The following DCLK2 variants were observed in gnomAD, a reference collection of about 807,000 sequenced individuals.
DCLK2 encodes serine/threonine-protein kinase DCLK2.
DCLK2 carries 31 observed loss-of-function variants against 78.4 expected under a neutral mutation model. The ratio of observed to expected loss-of-function variants is 0.40; its 90% CI spans 0.30 to 0.53. The LOEUF (loss-of-function observed/expected upper bound fraction) is 0.53. DCLK2 is among the 20% of genes least tolerant of loss of function. The probability of loss-of-function intolerance (pLI) is 0.61; values close to 1 mark genes in which losing one functional copy is unlikely to be tolerated. For synonymous variants in DCLK2, 407 were observed against 374.9 expected (o/e 1.09, Z -0.99); for missense variants, 872 against 973.7 (o/e 0.90, Z 1.39).
At chr4:150,188,618 A>G (rs936116621) in intron 2 of DCLK2, among the ~76,000 whole-genome samples, 1 of 152,010 alleles carries the variant, frequency 6.6e-6, no homozygotes, top group Non-Finnish European at 1.5e-5. Context: ...AGAAGATCCA[A>G]GGGCCGGGCA....
chr4:150,166,999 G>C lies in DCLK2; in HGVS notation c.757-26139G>C, dbSNP rs181359638. Among the ~76,000 whole-genome samples the C allele has an allele frequency of 1.6e-3, 243 of 152,278 alleles. 4 individuals carry two copies. Among genetic ancestry groups the C allele is most frequent in the Admixed American group, 0.015 (227 of 15,294 alleles). On this transcript the variant is annotated intron_variant, in intron 2 of 15. Transcript: ENST00000296550. ...CCACTGATTAAAGAGTAGTTCACTG[G>C]GCCCGCCTGGGTGCATTATTCTCAT...
intron 1 of DCLK2, among the ~76,000 whole-genome samples, chr4:150,086,352 C>G (rs917371640): frequency 6.6e-6 from 1 of 151,928 alleles, no homozygotes; most frequent in Non-Finnish European, 1.5e-5. Flanking sequence ...TATTCCTTGC[C>G]CCTTTGTGTT....
chr4:150,172,763 G>C (rs142035051), intron 2 of DCLK2, among the ~76,000 whole-genome samples: 5 of 109,292 alleles, frequency 4.6e-5, no homozygotes, highest in Non-Finnish European at 7.3e-5. Flanking sequence ...TTTTTTTTGG[G>C]GGGGGGGGGG....
intron 2 of DCLK2, among the ~76,000 whole-genome samples, chr4:150,179,989 A>G (rs577341334): frequency 6.6e-6 from 1 of 152,324 alleles, no homozygotes; most frequent in African/African-American, 2.4e-5. Context: ...CATACTTGCC[A>G]TTCATTTACT....
intron 2 of DCLK2, among the ~76,000 whole-genome samples, chr4:150,175,794 G>T (rs531904759): frequency 6.6e-6 from 1 of 152,166 alleles, no homozygotes; most frequent in African/African-American, 2.4e-5. Flanking sequence ...TCATTTTGGC[G>T]TGTCTTCATG....
chr4:150,209,784 C>G (rs1012216282), intron 5 of DCLK2: 3 of 152,348 alleles, frequency 2.0e-5, no homozygotes, highest in Non-Finnish European at 4.4e-5. Context: ...AAATCTATTA[C>G]AACATTTAGG....
At chr4:150,127,910 C>G (rs1253246919) in intron 2 of DCLK2, among the ~76,000 whole-genome samples, 1 of 152,136 alleles carries the variant, frequency 6.6e-6, no homozygotes, top group Non-Finnish European at 1.5e-5. Flanking sequence ...AGGTAAACAC[C>G]CATACTTTAT....
intron 2 of DCLK2, among the ~76,000 whole-genome samples, chr4:150,162,373 G>C (rs527322186): frequency 2.0e-5 from 3 of 152,114 alleles, no homozygotes; most frequent in Non-Finnish European, 4.4e-5. Flanking sequence ...ATTAGGGACA[G>C]AGGAGAAACT....
At chr4:150,114,630 AT>A (rs1432231517) in intron 2 of DCLK2, among the ~76,000 whole-genome samples, 1 of 151,972 alleles carries the variant, frequency 6.6e-6, no homozygotes, top group Non-Finnish European at 1.5e-5. Context: ...AAAAGACTTT[AT>A]TTTGCCTTCG....
chr4:150,194,813 CA>C (rs1738742525), intron 3 of DCLK2, among the ~76,000 whole-genome samples: 1 of 151,928 alleles, frequency 6.6e-6, no homozygotes, highest in East Asian at 1.9e-4. Flanking sequence ...ACTGTACTAC[CA>C]AACAAATACA....
intron 12 of DCLK2, among the ~76,000 whole-genome samples, chr4:150,246,774 G>A (rs963889200): frequency 3.9e-5 from 6 of 152,202 alleles, no homozygotes; most frequent in African/African-American, 1.4e-4. Context: ...GAGAAGTCAG[G>A]TCAGCCTGTA....
chr4:150,165,196 G>A (rs6535713), intron 2 of DCLK2, among the ~76,000 whole-genome samples: 40,760 of 152,100 alleles, frequency 0.27, 5,690 homozygotes, highest in South Asian at 0.49. Context: ...GACTATGGGT[G>A]TTGTGATTAA....
chr4:150,224,549 T>C lies in DCLK2; in HGVS notation c.1290T>C (p.Cys430=). ...FALKIIDKAK[C]CGKEHLIENE... ...TAAAGATTATAGACAAAGCCAAATG[T>C]TGTGGAAAGGTATAGTATGCATAAC... Residue 430 remains cysteine, a synonymous_variant, in exon 8 of 16, where the codon TGT becomes TGC. Transcript: ENST00000296550. 1 of 1,612,286 alleles carries C rather than the reference T, an allele frequency of 6.2e-7. No individual in the cohort carries two copies. The highest frequency in any genetic ancestry group is 8.5e-7 in the Non-Finnish European group (1 of 1,179,344).
chr4:150,138,580 G>C (rs4484277), intron 2 of DCLK2, among the ~76,000 whole-genome samples: 50,274 of 152,112 alleles, frequency 0.33, 9,090 homozygotes, highest in South Asian at 0.61. Flanking sequence ...TCAGCACTTA[G>C]AACAGGCCAG....
At chr4:150,169,982 T>C (rs993291420) in intron 2 of DCLK2, among the ~76,000 whole-genome samples, 1 of 152,264 alleles carries the variant, frequency 6.6e-6, no homozygotes, top group African/African-American at 2.4e-5. Flanking sequence ...GTTGCTTATC[T>C]GAAATTCAGA....
At chr4:150,157,180 T>G (rs868706131) in intron 2 of DCLK2, among the ~76,000 whole-genome samples, 35 of 146,776 alleles carry the variant, frequency 2.4e-4, no homozygotes, top group African/African-American at 5.0e-4. Context: ...TTTTTTTTTT[T>G]TTGTTACTGT....
intron 2 of DCLK2, among the ~76,000 whole-genome samples, chr4:150,147,768 C>T (rs774938330): frequency 6.6e-6 from 1 of 152,202 alleles, no homozygotes; most frequent in Non-Finnish European, 1.5e-5. Context: ...CTGTATACTC[C>T]ATGGCATCTC....
intron 5 of DCLK2, among the ~76,000 whole-genome samples, chr4:150,215,827 G>A (rs906367386): frequency 1.3e-5 from 2 of 152,204 alleles, no homozygotes; most frequent in African/African-American, 4.8e-5. Flanking sequence ...AGGGTATGGG[G>A]CAGGACCTCC....
intron 15 of DCLK2, among the ~76,000 whole-genome samples, chr4:150,254,822 G>T (rs1435159072): frequency 2.6e-5 from 4 of 152,122 alleles, no homozygotes; most frequent in Admixed American, 6.5e-5. Flanking sequence ...TAGGACTACA[G>T]GTGCACGCCA....
Sources: gnomAD v4.1 joint callset for allele counts (sites outside exome capture counted in the v4.1 genomes callset) on GRCh38, gnomAD v4.1.1 for gene constraint, MANE v1.5 for transcripts, NCBI Gene and HGNC (gene_info 2026-07-23, HGNC 2026-07-21) for gene names.